Variants in MARF1 observed in about 807,000 individuals in gnomAD.
MARF1 encodes the protein limkain-b1.
A neutral mutation model predicts 168.2 loss-of-function variants in MARF1; 24 were observed. The observed-to-expected ratio is 0.14, with a 90% CI of 0.10 to 0.20. The LOEUF (loss-of-function observed/expected upper bound fraction) is 0.20. MARF1 is among the 10% of genes least tolerant of loss of function. The pLI, the probability that MARF1 is intolerant of heterozygous loss-of-function variation, is 1.00. For synonymous variants in MARF1, 868 were observed against 822.4 expected (o/e 1.06, Z -0.95); for missense variants, 1,744 against 2,143.6 (o/e 0.81, Z 3.68).
chr16:15,598,723 A>C (rs1472842783), intron 26 of MARF1, 131 bp downstream of exon 26: 2 of 909,176 alleles, frequency 2.2e-6, no homozygotes, highest in African/African-American at 3.3e-5. Context: ...AAGGTCGAAT[A>C]ATCAGCACAG....
chr16:15,636,603 G>A (rs962844271), intron 2 of MARF1, among the ~76,000 whole-genome samples: 1 of 152,152 alleles, frequency 6.6e-6, no homozygotes, highest in Non-Finnish European at 1.5e-5. Flanking sequence ...GGGAGGGCCT[G>A]TTTACATCTT....
intron 22 of MARF1, chr16:15,602,549 A>G (rs2032580786): frequency 2.1e-6 from 1 of 482,032 alleles, no homozygotes; most frequent in South Asian, 1.7e-5. Context: ...GACGAAGACG[A>G]CGAATTGGAC....
At chr16:15,607,192 G>C (rs1286892154) in intron 21 of MARF1, among the ~76,000 whole-genome samples, 1 of 152,172 alleles carries the variant, frequency 6.6e-6, no homozygotes, top group African/African-American at 2.4e-5. Flanking sequence ...CCTAAGGAGA[G>C]CTCTGAGCGT....
At position 15,602,514 on chromosome 16, in the gene MARF1, A is replaced by T. The variant is rs1008479023; in HGVS notation, c.4414-311T>A. 11 of 529,596 alleles carry T rather than the reference A, an allele frequency of 2.1e-5. No individual in the cohort carries two copies. In the African/African-American group the frequency reaches 2.2e-4, roughly 11 times the overall value. 32.8% of individuals were successfully genotyped at this position (529,596 alleles called of 1,614,324 possible). On this transcript the variant is annotated intron_variant, in intron 22 of 26. Transcript: ENST00000396368. Reference sequence around the variant, plus strand: ...GAAGACAAGACGAAGACGACGATGAAGAAGACGAAGACGACGATAAAGAAG... The same window carrying T: ...GAAGACAAGACGAAGACGACGATGATGAAGACGAAGACGACGATAAAGAAG...
Position 15,630,336 on chromosome 16 carries a change from A to T in MARF1, c.1520T>A (p.Met507Lys). The change falls in exon 7 of 27, where the codon ATG (methionine) becomes AAG (lysine). Residue 507 changes from methionine to lysine, a missense_variant. Around this residue, in one of 7 missense-constraint regions of MARF1, gnomAD observed 217 missense variants for 372.4 expected, o/e 0.58. Transcript: ENST00000396368. ...AAATAACGCAAACCCACTTACTGGC[A>T]TTTTTAGTGGTAACCTGGGGGGCAA... The part of the protein sequence containing the change: ...SDLPPRLPLK[M>K]PQCHTLLYVY... The T allele has an allele frequency of 6.3e-7, 1 of 1,598,578 alleles. No individual in the cohort carries two copies. The highest frequency in any genetic ancestry group is 8.5e-7 in the Non-Finnish European group (1 of 1,169,826).
intron 25 of MARF1, chr16:15,599,268 G>A (rs1031358443): frequency 5.6e-6 from 3 of 535,218 alleles, no homozygotes; most frequent in Admixed American, 6.4e-5. Context: ...AGGAACACTG[G>A]CCCCTCAAAA....
chr16:15,615,653 A>G (rs886083667), intron 16 of MARF1, among the ~76,000 whole-genome samples, 177 bp downstream of exon 16: 6 of 152,148 alleles, frequency 3.9e-5, no homozygotes, highest in African/African-American at 1.4e-4. Context: ...AAAATAAAAC[A>G]AAGTCCAGTA....
At chr16:15,599,154 TA>T (rs565989147) in intron 25 of MARF1, 130 bp from the exon 26 acceptor site, 35,826 of 295,702 alleles carry the variant, frequency 0.12, 1 homozygote, top group Middle Eastern at 0.17. Flanking sequence ...TTTAAGGTAT[TA>T]AAAAAAAAAA....
chr16:15,618,167 G>C (rs1008289164), intron 13 of MARF1, among the ~76,000 whole-genome samples: 27 of 152,282 alleles, frequency 1.8e-4, no homozygotes, highest in East Asian at 1.9e-4. Context: ...ATCTCACAGG[G>C]TCAATGTGAG....
rs374077649 is a variant in MARF1 at position 15,624,761 on chromosome 16, G to A, written c.2270+8C>T. 5.0e-6 allele frequency: 8 copies of A among 1,612,642 alleles called. No individual in the cohort carries two copies. The highest frequency in any genetic ancestry group is 4.5e-5 in the East Asian group (2 of 44,882). On this transcript the variant is annotated splice_region_variant and intron_variant, in intron 10 of 26. Transcript: ENST00000396368. ...AACCACCCCCATGGGTCAAGAAGCT[G>A]GACTCACCTAGAAGACCAAGACTGA...
At chr16:15,626,785 C>A (rs1408400128) in intron 7 of MARF1, among the ~76,000 whole-genome samples, 4 of 151,896 alleles carry the variant, frequency 2.6e-5, no homozygotes, top group Admixed American at 2.0e-4. Flanking sequence ...CATGGTGAAA[C>A]CCCATCTCTA....
rs547953458 is a variant in MARF1 at position 15,639,093 on chromosome 16, T to A, written c.141A>T (p.Gln47His). The change falls in exon 2 of 27, where the codon CAA becomes CAT. Residue 47 changes from glutamine to histidine, a missense_variant. Physicochemically the swap from Gln to His is conservative, Grantham distance 24. Transcript: ENST00000396368. ...RPEQTLPHSPQTKEYMENKKV... is the reference protein window; with the variant it reads ...RPEQTLPHSPHTKEYMENKKV... ...CCTTAGTCTTGCATATAGTTACCGTTTGGGGACTATGTGGCAGCGTCTGCT... is the reference window on the plus strand; with the variant it reads ...CCTTAGTCTTGCATATAGTTACCGTATGGGGACTATGTGGCAGCGTCTGCT... 6.2e-7 allele frequency: 1 copy of A among 1,613,524 alleles called. No homozygotes were observed.
intron 1 of MARF1, among the ~76,000 whole-genome samples, chr16:15,640,306 G>A (rs1471468630): frequency 6.6e-6 from 1 of 152,196 alleles, no homozygotes; most frequent in Non-Finnish European, 1.5e-5. Context: ...TACTAATGAT[G>A]AAAGTGCAAT....
Position 15,620,501 on chromosome 16 carries a change from G to A in MARF1, c.2670C>T (p.Ala890=). ...TAAACAGAGGCAGGCAACAGGCAGG[G>A]GCATCCTGAAGAACAGACATTGTTT... The part of the protein sequence containing the change: ...SAETMSVLQD[A]PACCLPLFKF... The change falls in exon 13 of 27, where the codon GCC becomes GCT. Residue 890 remains alanine (A), a synonymous_variant. Coordinates refer to ENST00000396368, the MANE Select transcript of MARF1 (RefSeq NM_014647.4). The A allele has an allele frequency of 6.2e-7, 1 of 1,612,980 alleles. No individual in the cohort carries two copies. Among genetic ancestry groups the A allele is most frequent in the South Asian group, 1.1e-5 (1 of 90,894 alleles).
intron 25 of MARF1, chr16:15,599,264 A>C: frequency 3.7e-6 from 2 of 541,934 alleles, no homozygotes; most frequent in South Asian, 5.0e-5. Flanking sequence ...TCTTAGGAAC[A>C]CTGGCCCCTC....
In MARF1 at chr16:15,607,201, G is replaced by A. The variant is rs9936101; in HGVS notation, c.4182+1090C>T. Among the ~76,000 whole-genome samples, 6 of 151,990 alleles carry A rather than the reference G, an allele frequency of 3.9e-5. No homozygotes were observed. In the East Asian group the frequency reaches 5.8e-4, roughly 15 times the overall value. ...TCAGTACCTAAGGAGAGCTCTGAGCGTTCCTACCTCTGCCAAGGTAAGAAC... is the reference window on the plus strand; with the variant it reads ...TCAGTACCTAAGGAGAGCTCTGAGCATTCCTACCTCTGCCAAGGTAAGAAC... On this transcript the variant is annotated intron_variant, in intron 21 of 26. Transcript: ENST00000396368.
intron 6 of MARF1, among the ~76,000 whole-genome samples, chr16:15,630,801 G>GT (rs1190300642): frequency 1.3e-5 from 2 of 148,794 alleles, no homozygotes; most frequent in Non-Finnish European, 3.0e-5. Context: ...TGAGCACAAG[G>GT]TAAAAAAAAA....
chr16:15,613,764 T>C (rs543732489), intron 16 of MARF1, among the ~76,000 whole-genome samples: 1 of 152,200 alleles, frequency 6.6e-6, no homozygotes, highest in Admixed American at 6.5e-5. Context: ...TGGCATAATC[T>C]ATGGCCCCTG....
rs761380554 is a variant in MARF1 at position 15,617,163 on chromosome 16, T to C, written c.2966A>G (p.Glu989Gly). 1.9e-6 allele frequency: 3 copies of C among 1,613,720 alleles called. No homozygotes were observed. Among genetic ancestry groups the C allele is most frequent in the Non-Finnish European group, 8.5e-7 (1 of 1,179,968 alleles). Reference protein sequence around the residue: ...HCSNKDFSEHEFDPDSYKIPF... With the variant: ...HCSNKDFSEHGFDPDSYKIPF... ...AATCTTGTAAGAGTCTGGATCAAAT[T>C]CATGTTCGCTGAAGAAAAGAGAACA... Residue 989 changes from glutamate to glycine, a missense_variant, in exon 15 of 27, where the codon GAA (glutamate) becomes GGA (glycine). Coordinates refer to ENST00000396368, the MANE Select transcript of MARF1 (RefSeq NM_014647.4).
Sources: allele counts gnomAD v4.1 joint callset (sites outside exome capture counted in the v4.1 genomes callset), GRCh38; gene constraint gnomAD v4.1.1; regional missense constraint gnomAD v4.1.1; transcripts MANE v1.5; gene names NCBI Gene and HGNC (gene_info 2026-07-23, HGNC 2026-07-21).